MYL4: variants seen among roughly 807,000 people sequenced by gnomAD.
MYL4 encodes the protein myosin light chain 4, also known as atrial myosin light chain 1.
MYL4 carries 16 observed loss-of-function variants against 21.6 expected under a neutral mutation model. That is an observed-to-expected ratio of 0.74 (90% CI 0.50 to 1.12). The LOEUF (loss-of-function observed/expected upper bound fraction) is 1.12. MYL4 is among the 50% of genes most tolerant of loss of function. MYL4 has a pLI of 0.00. For synonymous variants in MYL4, 82 were observed against 95.7 expected (o/e 0.86, Z 0.83); for missense variants, 249 against 252.9 (o/e 0.98, Z 0.11).
At position 47,219,987 on chromosome 17, in the gene MYL4, C is replaced by A. The variant is rs773030593; in HGVS notation, c.247C>A (p.Arg83=). The A allele has an allele frequency of 2.5e-6, 4 of 1,614,194 alleles. No individual in the cohort carries two copies. In the South Asian group the frequency reaches 3.3e-5, roughly 13 times the overall value. ...CTACGGCCAGTGCGGGGATGTACTGCGGGCCCTGGGCCAGAACCCTACCAA... is the reference window on the plus strand; with the variant it reads ...CTACGGCCAGTGCGGGGATGTACTGAGGGCCCTGGGCCAGAACCCTACCAA... ...ITYGQCGDVL[R]ALGQNPTNAE... Residue 83 remains arginine, a synonymous_variant, in exon 3 of 7, where the codon CGG becomes AGG. Coordinates refer to ENST00000393450, the MANE Select transcript of MYL4 (RefSeq NM_002476.2).
intron 2 of MYL4, among the ~76,000 whole-genome samples, chr17:47,217,475 A>G (rs375501357): frequency 2.6e-5 from 4 of 152,132 alleles, no homozygotes; most frequent in South Asian, 2.1e-4. Flanking sequence ...AAAAAAGATT[A>G]CATCCTTATA....
At chr17:47,212,449 C>G (rs571412372) in intron 1 of MYL4, among the ~76,000 whole-genome samples, 1 of 152,298 alleles carries the variant, frequency 6.6e-6, no homozygotes, top group Admixed American at 6.5e-5. Flanking sequence ...ACAGAGTGCA[C>G]GTAAAGGCAT....
chr17:47,192,751 T>C, the MYL4 span, among the ~76,000 whole-genome samples: 1 of 152,096 alleles, frequency 6.6e-6, no homozygotes. Flanking sequence ...TTGAAGTACT[T>C]TGATGGGGTA....
chr17:47,215,572 C>CCTA (rs2064807502), intron 2 of MYL4, among the ~76,000 whole-genome samples: 1 of 152,012 alleles, frequency 6.6e-6, no homozygotes, highest in Non-Finnish European at 1.5e-5. Flanking sequence ...TCGTATTAGC[C>CCTA]CTAATTCTTC....
At chr17:47,219,271 C>G (rs2064836791) in intron 2 of MYL4, among the ~76,000 whole-genome samples, 1 of 152,218 alleles carries the variant, frequency 6.6e-6, no homozygotes, top group Non-Finnish European at 1.5e-5. Context: ...CCTCCCTTTG[C>G]TCTCACAGTG....
chr17:47,224,047 G>C (rs1366654128), downstream of MYL4, among the ~76,000 whole-genome samples: 1 of 129,012 alleles, frequency 7.8e-6, no homozygotes, highest in Admixed American at 7.6e-5. Context: ...AACAAAAATT[G>C]TTGTAAAATA....
upstream of MYL4, among the ~76,000 whole-genome samples, chr17:47,205,180 G>T (rs1395948864): frequency 6.6e-6 from 1 of 152,220 alleles, no homozygotes; most frequent in Non-Finnish European, 1.5e-5. Context: ...ATTCTGTCTT[G>T]TGTTTTCAAT....
At chr17:47,208,438 AAAAC>A (rs200665480), upstream of MYL4, among the ~76,000 whole-genome samples, 2,774 of 152,190 alleles carry the variant, frequency 0.018, 38 homozygotes, top group Middle Eastern at 0.075. Flanking sequence ...TGTTTCTGTT[AAAAC>A]AAACAAACAA....
intron 1 of MYL4, among the ~76,000 whole-genome samples, chr17:47,204,028 G>A (rs977343911): frequency 1.3e-5 from 2 of 152,218 alleles, no homozygotes; most frequent in African/African-American, 2.4e-5. Context: ...CTAAGGAGGG[G>A]GAACATTTGT....
At chr17:47,227,346 A>G (rs565688278), downstream of MYL4, among the ~76,000 whole-genome samples, 2 of 152,242 alleles carry the variant, frequency 1.3e-5, no homozygotes, top group Admixed American at 1.3e-4. Context: ...AGAGGTATGC[A>G]TAAAAAGTGA....
chr17:47,191,378 G>A, the MYL4 span, among the ~76,000 whole-genome samples: 2 of 152,194 alleles, frequency 1.3e-5, no homozygotes, highest in Non-Finnish European at 2.9e-5. Context: ...CCTTTCAACT[G>A]AACACAGTAC....
In MYL4 at chr17:47,219,950, G is replaced by A. The variant is rs868718115; in HGVS notation, c.210G>A (p.Glu70=). ...TGTTTGACCGGACCCCGACTGGAGA[G>A]ATGAAGATCACCTACGGCCAGTGCG... The part of the protein sequence containing the change: ...FSLFDRTPTG[E]MKITYGQCGD... Residue 70 remains glutamate, a synonymous_variant, in exon 3 of 7, where the codon GAG becomes GAA. Coordinates refer to ENST00000393450, the MANE Select transcript of MYL4 (RefSeq NM_002476.2). The A allele has an allele frequency of 1.2e-6, 2 of 1,614,238 alleles. No individual in the cohort carries two copies. Among genetic ancestry groups the A allele is most frequent in the Non-Finnish European group, 1.7e-6 (2 of 1,180,050 alleles).
At chr17:47,220,160 T>C (rs1173343853) in intron 3 of MYL4, 107 bp downstream of exon 3, 6 of 1,385,906 alleles carry the variant, frequency 4.3e-6, no homozygotes, top group Non-Finnish European at 4.8e-6. Flanking sequence ...TTCTCCTGCT[T>C]TAGCCCCTCA....
chr17:47,201,061 A>T (rs932386542), intron 1 of MYL4, among the ~76,000 whole-genome samples: 4 of 152,226 alleles, frequency 2.6e-5, no homozygotes, highest in Non-Finnish European at 4.4e-5. Context: ...AATCCCAGCT[A>T]CTGAGGAGGC....
At chr17:47,205,657 G>A (rs138302117), upstream of MYL4, among the ~76,000 whole-genome samples, 1 of 152,288 alleles carries the variant, frequency 6.6e-6, no homozygotes, top group Non-Finnish European at 1.5e-5. Context: ...AAACGAATCC[G>A]AAACTGATTT....
chr17:47,191,424 G>T, the MYL4 span, among the ~76,000 whole-genome samples: 3 of 152,148 alleles, frequency 2.0e-5, no homozygotes, highest in Admixed American at 6.5e-5. Context: ...AATGCAGTTG[G>T]ACTATTATTA....
At chr17:47,195,527 C>G (rs948565544), upstream of MYL4, among the ~76,000 whole-genome samples, 1 of 151,994 alleles carries the variant, frequency 6.6e-6, no homozygotes, top group African/African-American at 2.4e-5. Flanking sequence ...CCGTGCCCAG[C>G]CAAGTATTTT....
At chr17:47,206,943 T>C (rs540818040), upstream of MYL4, among the ~76,000 whole-genome samples, 2 of 152,282 alleles carry the variant, frequency 1.3e-5, no homozygotes, top group Non-Finnish European at 2.9e-5. Flanking sequence ...CTTTTTCTCT[T>C]TCCTCGTCAC....
At chr17:47,215,866 C>T (rs766930998) in intron 2 of MYL4, among the ~76,000 whole-genome samples, 4 of 152,154 alleles carry the variant, frequency 2.6e-5, no homozygotes, top group Non-Finnish European at 4.4e-5. Flanking sequence ...TCATAGCTCA[C>T]GATAACCTTG....
Sources: gnomAD v4.1 joint callset for allele counts (sites outside exome capture counted in the v4.1 genomes callset) on GRCh38, gnomAD v4.1.1 for gene constraint, MANE v1.5 for transcripts, NCBI Gene and HGNC (gene_info 2026-07-23, HGNC 2026-07-21) for gene names.